Variants in UBAP2 observed in about 807,000 individuals in gnomAD.
UBAP2 encodes ubiquitin-associated protein 2.
UBAP2 carries 75 observed loss-of-function variants against 139.6 expected under a neutral mutation model. That is an observed-to-expected ratio of 0.54 (90% confidence interval 0.45 to 0.65). UBAP2 has a LOEUF of 0.65. Among genes scored for constraint, UBAP2 ranks in the 30% least tolerant of loss-of-function variants. UBAP2 has a pLI of 0.00. For missense variants in UBAP2, 1,368 were observed against 1,369.6 expected (o/e 1.00, Z 0.02); for synonymous variants, 526 against 526.2 (o/e 1.00, Z 0.01).
chr9:33,934,777 G>C (rs79236462), intron 17 of UBAP2, among the ~76,000 whole-genome samples: 4 of 152,094 alleles, frequency 2.6e-5, no homozygotes, highest in African/African-American at 7.2e-5. Context: ...TTTAGTTCTC[G>C]ACCCATGCCT....
chr9:33,927,804 C>T lies in UBAP2; in HGVS notation c.2364G>A (p.Val788=), dbSNP rs202245347. The T allele has an allele frequency of 6.2e-7, 1 of 1,610,062 alleles. No homozygotes were observed. The highest frequency in any genetic ancestry group is 1.7e-5 in the Admixed American group (1 of 59,810). Residue 788 remains valine, a synonymous_variant, in exon 20 of 29, where the codon GTG becomes GTA. Transcript: ENST00000379238. ...GGCCTCTGGAGCAAATACCTGAGGT[C>T]ACCAAGGGCGCGGCCCTGCTACTGC... ...SSSSSRAAPL[V]TSGKAPPNLP... is the part of the protein sequence containing the mutation.
intron 10 of UBAP2, among the ~76,000 whole-genome samples, chr9:33,957,960 TTTC>T (rs1241093070): frequency 1.3e-5 from 2 of 152,154 alleles, no homozygotes; most frequent in East Asian, 1.9e-4. Flanking sequence ...AGGGTTTTTT[TTTC>T]TTTTTTGGGA....
At chr9:33,987,140 G>A (rs1375338317) in intron 5 of UBAP2, among the ~76,000 whole-genome samples, 2 of 152,050 alleles carry the variant, frequency 1.3e-5, no homozygotes, top group Non-Finnish European at 2.9e-5. Flanking sequence ...GCCAGGCACA[G>A]TGGCTCACAC....
chr9:33,932,434 A>G (rs1295849412), intron 19 of UBAP2, 128 bp downstream of exon 19: 17 of 1,069,072 alleles, frequency 1.6e-5, no homozygotes, highest in South Asian at 3.1e-5. Flanking sequence ...TCATGCCATC[A>G]AGACATTTCA....
At chr9:33,988,536 A>C (rs1306247004) in intron 5 of UBAP2, among the ~76,000 whole-genome samples, 1 of 152,176 alleles carries the variant, frequency 6.6e-6, no homozygotes, top group Non-Finnish European at 1.5e-5. Flanking sequence ...AGTGTCTATA[A>C]ATGGAGAATA....
At chr9:33,984,209 C>T (rs1821007813) in intron 6 of UBAP2, among the ~76,000 whole-genome samples, 1 of 152,044 alleles carries the variant, frequency 6.6e-6, no homozygotes, top group African/African-American at 2.4e-5. Context: ...CGGCCTGAAT[C>T]CCTGGGATTT....
At chr9:33,949,729 G>A (rs981979556) in intron 12 of UBAP2, among the ~76,000 whole-genome samples, 2 of 151,986 alleles carry the variant, frequency 1.3e-5, no homozygotes, top group Admixed American at 6.6e-5. Context: ...GCATGCACGC[G>A]CACACACGCA....
At chr9:33,973,997 G>C (rs1436804638) in intron 6 of UBAP2, among the ~76,000 whole-genome samples, 1 of 152,180 alleles carries the variant, frequency 6.6e-6, no homozygotes. Flanking sequence ...GCTTGAGCCA[G>C]GAGTTCAAGA....
chr9:34,030,880 A>T (rs1287361917), intron 1 of UBAP2, among the ~76,000 whole-genome samples: 1 of 152,100 alleles, frequency 6.6e-6, no homozygotes, highest in African/African-American at 2.4e-5. Context: ...CAGTGAGCCA[A>T]GATCGCACCA....
intron 6 of UBAP2, among the ~76,000 whole-genome samples, chr9:33,979,189 G>T (rs1033744320): frequency 6.6e-6 from 1 of 152,198 alleles, no homozygotes; most frequent in Admixed American, 6.5e-5. Context: ...AGTGAGCTAT[G>T]ATCATGCCAC....
chr9:33,922,637 G>GC, intron 28 of UBAP2, 38 bp from the exon 29 acceptor site: 1 of 1,601,270 alleles, frequency 6.2e-7, no homozygotes, highest in Non-Finnish European at 8.5e-7. Context: ...CAAGGCTGGA[G>GC]CAGAACCCCT....
At chr9:34,043,168 T>C (rs1040747694) in intron 1 of UBAP2, among the ~76,000 whole-genome samples, 1 of 152,186 alleles carries the variant, frequency 6.6e-6, no homozygotes, top group African/African-American at 2.4e-5. Flanking sequence ...ATCTACGGTA[T>C]GTATGCTGTT....
At chr9:34,035,000 G>A (rs1418473538) in intron 1 of UBAP2, among the ~76,000 whole-genome samples, 1 of 152,088 alleles carries the variant, frequency 6.6e-6, no homozygotes, top group Non-Finnish European at 1.5e-5. Flanking sequence ...TATCTTGTAA[G>A]CAACAACTAC....
chr9:33,929,523 T>C (rs980392620), intron 19 of UBAP2, among the ~76,000 whole-genome samples: 1 of 152,184 alleles, frequency 6.6e-6, no homozygotes, highest in South Asian at 2.1e-4. Flanking sequence ...AGATTTCCTT[T>C]ATGTATTGAT....
At chr9:34,028,198 G>A (rs974906023) in intron 1 of UBAP2, among the ~76,000 whole-genome samples, 1 of 151,904 alleles carries the variant, frequency 6.6e-6, no homozygotes, top group Non-Finnish European at 1.5e-5. Context: ...CCATGGAAAG[G>A]ATGAGTGCTG....
At chr9:33,999,871 T>C (rs1183800372) in intron 2 of UBAP2, among the ~76,000 whole-genome samples, 3 of 71,578 alleles carry the variant, frequency 4.2e-5, no homozygotes, top group Non-Finnish European at 1.0e-4. Flanking sequence ...TGTATGTATG[T>C]ATGTATGTAT....
chr9:33,988,609 C>A (rs1476929488), intron 5 of UBAP2, among the ~76,000 whole-genome samples: 1 of 152,184 alleles, frequency 6.6e-6, no homozygotes, highest in East Asian at 1.9e-4. Context: ...ACACACACAC[C>A]ATTCTAAAAT....
Position 33,922,322 on chromosome 9 carries a change from T to G in UBAP2, c.*182A>C. ...ACTCCCCCCCAGACTTCTATCACATTTACAAATACATACATAAATACATTA... is the reference window on the plus strand; with the variant it reads ...ACTCCCCCCCAGACTTCTATCACATGTACAAATACATACATAAATACATTA... On this transcript the variant is annotated 3_prime_UTR_variant, in exon 29 of 29. Coordinates refer to ENST00000379238, the MANE Select transcript of UBAP2 (RefSeq NM_001370062.2). The G allele has an allele frequency of 1.6e-6, 1 of 627,088 alleles. No homozygotes were observed. Among genetic ancestry groups the G allele is most frequent in the Non-Finnish European group, 2.8e-6 (1 of 360,082 alleles). 38.8% of individuals were successfully genotyped at this position (627,088 alleles called of 1,614,324 possible).
intron 7 of UBAP2, 146 bp from the exon 8 acceptor site, chr9:33,971,900 A>T: frequency 1.8e-6 from 1 of 569,288 alleles, no homozygotes; most frequent in Non-Finnish European, 3.1e-6. Context: ...CCCTATTTAA[A>T]TATAACTAAT....
Sources: allele counts gnomAD v4.1 joint callset (sites outside exome capture counted in the v4.1 genomes callset), GRCh38; gene constraint gnomAD v4.1.1; transcripts MANE v1.5; gene names NCBI Gene and HGNC (gene_info 2026-07-23, HGNC 2026-07-21).